MYO5B: variants seen among roughly 807,000 people sequenced by gnomAD.
MYO5B encodes myosin VB.
Under a neutral mutation model 229.3 loss-of-function variants are expected in MYO5B, and 143 were observed. The ratio of observed to expected loss-of-function variants is 0.62; its 90% CI spans 0.54 to 0.72. The LOEUF (loss-of-function observed/expected upper bound fraction) is 0.72, where lower values mean the gene tolerates loss of function less well. Ranked by LOEUF, MYO5B falls within the 30% of genes least tolerant of loss-of-function variation. The pLI is 0.00. For synonymous variants in MYO5B, 918 were observed against 885.2 expected (o/e 1.04, Z -0.66); for missense variants, 2,321 against 2,331.0 (o/e 1.00, Z 0.09).
rs751094648 is a variant in MYO5B at position 49,856,810 on chromosome 18, C to T, written c.4022+3G>A. Reference sequence around the variant, plus strand: ...GACACAGGAAGAAAGGAATATGTTCCACCTGGCAACTTGCTTTAGGCCTTG... The same window carrying T: ...GACACAGGAAGAAAGGAATATGTTCTACCTGGCAACTTGCTTTAGGCCTTG... On this transcript the variant is annotated splice_donor_region_variant and intron_variant, in intron 30 of 39. Coordinates refer to ENST00000285039, the MANE Select transcript of MYO5B (RefSeq NM_001080467.3). 2.5e-6 allele frequency: 4 copies of T among 1,611,598 alleles called. No individual in the cohort carries two copies. Among genetic ancestry groups the T allele is most frequent in the Non-Finnish European group, 3.4e-6 (4 of 1,177,642 alleles).
chr18:50,019,213 C>T (rs2026248676), intron 4 of MYO5B, among the ~76,000 whole-genome samples: 1 of 152,154 alleles, frequency 6.6e-6, no homozygotes, highest in Non-Finnish European at 1.5e-5. Context: ...AAACCATAAG[C>T]TATTATGTAA....
intron 1 of MYO5B, among the ~76,000 whole-genome samples, chr18:50,159,054 C>A (rs1002450509): frequency 2.0e-5 from 3 of 152,134 alleles, no homozygotes; most frequent in Non-Finnish European, 4.4e-5. Context: ...CCATGAGAGA[C>A]AAAGGTTTAA....
At chr18:49,869,796 C>T (rs2024437422) in intron 27 of MYO5B, among the ~76,000 whole-genome samples, 1 of 151,768 alleles carries the variant, frequency 6.6e-6, no homozygotes, top group Non-Finnish European at 1.5e-5. Flanking sequence ...CTATCCCAGC[C>T]TTCTGATTCA....
intron 2 of MYO5B, among the ~76,000 whole-genome samples, chr18:50,052,607 TTGA>T (rs2030426551): frequency 2.7e-5 from 4 of 148,118 alleles, no homozygotes; most frequent in Admixed American, 2.7e-4. Context: ...CTAATGCTAA[TTGA>T]TGAGTTAATG....
intron 18 of MYO5B, among the ~76,000 whole-genome samples, chr18:49,911,556 T>C (rs2024958077): frequency 6.6e-6 from 1 of 152,240 alleles, no homozygotes; most frequent in Admixed American, 6.5e-5. Flanking sequence ...AGTGCGTTTT[T>C]ACTTGGGAAG....
At chr18:50,056,963 C>A (rs1036620718) in intron 1 of MYO5B, among the ~76,000 whole-genome samples, 1 of 152,178 alleles carries the variant, frequency 6.6e-6, no homozygotes, top group African/African-American at 2.4e-5. Context: ...AGAATCTTAA[C>A]CTTCTCCCTG....
intron 1 of MYO5B, among the ~76,000 whole-genome samples, chr18:50,082,089 G>A (rs1340973502): frequency 1.3e-5 from 2 of 152,232 alleles, no homozygotes; most frequent in African/African-American, 4.8e-5. Context: ...TGGCAGCTAA[G>A]AGGAAATGTC....
chr18:50,024,504 T>C (rs1186701575), intron 4 of MYO5B, among the ~76,000 whole-genome samples: 2 of 152,204 alleles, frequency 1.3e-5, no homozygotes, highest in African/African-American at 2.4e-5. Context: ...AAAAAGGACA[T>C]CTTTTTAAAA....
intron 1 of MYO5B, among the ~76,000 whole-genome samples, chr18:50,069,488 C>A (rs1568094179): frequency 6.6e-6 from 1 of 152,204 alleles, no homozygotes; most frequent in Non-Finnish European, 1.5e-5. Flanking sequence ...TAGTCTACAG[C>A]TAGATGTGAC....
At chr18:50,087,631 T>G (rs906526391) in intron 1 of MYO5B, among the ~76,000 whole-genome samples, 2 of 151,496 alleles carry the variant, frequency 1.3e-5, no homozygotes, top group Non-Finnish European at 2.9e-5. Flanking sequence ...AATCACACTA[T>G]GTTTAACCGC....
chr18:50,091,302 A>G (rs1599014088), intron 1 of MYO5B, among the ~76,000 whole-genome samples: 1 of 152,176 alleles, frequency 6.6e-6, no homozygotes, highest in South Asian at 2.1e-4. Flanking sequence ...TTCCCCTCCA[A>G]TACCCAGACT....
intron 21 of MYO5B, 77 bp downstream of exon 21, chr18:49,902,517 A>G: frequency 6.3e-7 from 1 of 1,590,740 alleles, no homozygotes; most frequent in Non-Finnish European, 8.5e-7. Flanking sequence ...GCAGTTCCTC[A>G]AGGAAGCTGT....
chr18:49,848,774 C>T lies in MYO5B; in HGVS notation c.4315+793G>A, dbSNP rs1598830196. Among the ~76,000 whole-genome samples, 7 of 152,122 alleles carry T rather than the reference C, an allele frequency of 4.6e-5. 1 individual carries two copies. Among genetic ancestry groups the T allele is most frequent in the Admixed American group, 4.6e-4 (7 of 15,290 alleles). Reference sequence around the variant, plus strand: ...TGAGAAACTGGAGGAATAGCAAATCCAAAGTTGGTGGGCACATGGGCAGAT... The same window carrying T: ...TGAGAAACTGGAGGAATAGCAAATCTAAAGTTGGTGGGCACATGGGCAGAT... On this transcript the variant is annotated intron_variant, in intron 32 of 39. Transcript: ENST00000285039.
chr18:49,844,149 C>G (rs1324043958), intron 33 of MYO5B, among the ~76,000 whole-genome samples: 1 of 152,256 alleles, frequency 6.6e-6, no homozygotes, highest in Non-Finnish European at 1.5e-5. Context: ...ACTGCAGACT[C>G]AGCCCTTTGG....
At position 49,912,190 on chromosome 18, in the gene MYO5B, G is replaced by A. The variant is rs184839945; in HGVS notation, c.2091-17C>T. 2.4e-5 allele frequency: 39 copies of A among 1,599,446 alleles called. No homozygotes were observed. In the African/African-American group the frequency reaches 4.8e-4, roughly 20 times the overall value. On this transcript the variant is annotated splice_polypyrimidine_tract_variant and intron_variant, in intron 17 of 39. Transcript: ENST00000285039. ...TAGGCCCACCTGGAGGGAAAGCAAA[G>A]GGGCATCAGGTGACACATCCTGCCT... is the stretch of plus-strand genomic sequence containing the variant.
At chr18:49,891,955 C>T (rs1255352857) in intron 22 of MYO5B, among the ~76,000 whole-genome samples, 2 of 151,268 alleles carry the variant, frequency 1.3e-5, no homozygotes, top group African/African-American at 4.9e-5. Flanking sequence ...GAGCCAGGCA[C>T]CTGGCTGTGG....
intron 2 of MYO5B, among the ~76,000 whole-genome samples, chr18:50,053,421 G>A (rs2030456998): frequency 1.3e-5 from 2 of 151,388 alleles, no homozygotes; most frequent in Non-Finnish European, 1.5e-5. Flanking sequence ...CACTACCTCC[G>A]TGCAACTTTT....
intron 7 of MYO5B, among the ~76,000 whole-genome samples, chr18:49,989,677 A>T (rs1367185016): frequency 1.3e-5 from 2 of 152,200 alleles, no homozygotes; most frequent in African/African-American, 4.8e-5. Flanking sequence ...AAGCCTGCTC[A>T]CTACTCCACT....
rs185558346 is a variant in MYO5B at position 49,898,276 on chromosome 18, A to G, written c.2812-3102T>C. On this transcript the variant is annotated intron_variant, in intron 21 of 39. Transcript: ENST00000285039. Reference sequence around the variant, plus strand: ...TACATATAACGAATTTAACATATTTACAAAGTGACTACTAAGTATATGGAA... The same window carrying G: ...TACATATAACGAATTTAACATATTTGCAAAGTGACTACTAAGTATATGGAA... 3.7e-3 allele frequency among the ~76,000 whole-genome samples: 570 copies of G among 152,376 alleles called. 5 individuals carry two copies. Among genetic ancestry groups the G allele is most frequent in the Non-Finnish European group, 4.7e-3 (320 of 68,040 alleles).
Sources: allele counts gnomAD v4.1 joint callset (sites outside exome capture counted in the v4.1 genomes callset), GRCh38; gene constraint gnomAD v4.1.1; transcripts MANE v1.5; gene names NCBI Gene and HGNC (gene_info 2026-07-23, HGNC 2026-07-21).